The following DLG2 variants were observed in gnomAD, a reference collection of about 807,000 sequenced individuals.
DLG2 encodes discs large MAGUK scaffold protein 2.
A neutral mutation model predicts 132.5 loss-of-function variants in DLG2; 45 were observed. The observed-to-expected ratio is 0.34, with a 90% CI of 0.27 to 0.44. DLG2 has a LOEUF of 0.44. DLG2 is among the 20% of genes least tolerant of loss of function. The probability of loss-of-function intolerance (pLI) is 1.00; values close to 1 mark genes in which losing one functional copy is unlikely to be tolerated. For synonymous variants in DLG2, 424 were observed against 419.6 expected (o/e 1.01, Z -0.13); for missense variants, 1,045 against 1,196.9 (o/e 0.87, Z 1.87).
chr11:84,210,354 G>C (rs1473617721), intron 8 of DLG2, among the ~76,000 whole-genome samples: 2 of 143,308 alleles, frequency 1.4e-5, no homozygotes, highest in Admixed American at 1.5e-4. Context: ...CATGGACACA[G>C]GAAGGGGAAT....
At chr11:83,928,360 T>A (rs1017045822) in intron 15 of DLG2, among the ~76,000 whole-genome samples, 1 of 152,078 alleles carries the variant, frequency 6.6e-6, no homozygotes. Flanking sequence ...AAGAATCATA[T>A]CTGGCAGGTG....
chr11:84,643,278 G>C (rs1455986554), intron 6 of DLG2, among the ~76,000 whole-genome samples: 2 of 152,166 alleles, frequency 1.3e-5, no homozygotes, highest in East Asian at 3.9e-4. Flanking sequence ...ATTTGATGAA[G>C]ATGTAACTTT....
chr11:83,982,583 CAA>C (rs2092893154), intron 11 of DLG2, among the ~76,000 whole-genome samples: 1 of 150,218 alleles, frequency 6.7e-6, no homozygotes, highest in Non-Finnish European at 1.5e-5. Flanking sequence ...AGTGTTATTA[CAA>C]AAGAGTCAAA....
intron 6 of DLG2, among the ~76,000 whole-genome samples, chr11:85,027,905 G>A (rs547597560): frequency 7.9e-5 from 12 of 152,270 alleles, no homozygotes; most frequent in Admixed American, 6.5e-4. Flanking sequence ...GGGGGAGGGG[G>A]GTGTTTCAGC....
chr11:85,144,310 A>G (rs965565218), intron 5 of DLG2, among the ~76,000 whole-genome samples: 2 of 146,632 alleles, frequency 1.4e-5, no homozygotes, highest in African/African-American at 2.5e-5. Flanking sequence ...ATTTCACTCT[A>G]TAGGTGAAGT....
intron 10 of DLG2, among the ~76,000 whole-genome samples, chr11:84,081,473 A>C (rs953502862): frequency 2.6e-5 from 4 of 152,050 alleles, no homozygotes; most frequent in Non-Finnish European, 4.4e-5. Context: ...TACTGGAGCC[A>C]GTTAATTTCA....
chr11:84,010,625 A>G (rs1041003743), intron 11 of DLG2, among the ~76,000 whole-genome samples: 6 of 152,082 alleles, frequency 3.9e-5, no homozygotes, highest in Non-Finnish European at 8.8e-5. Flanking sequence ...TAATAAAACC[A>G]AAAGTTGATA....
chr11:84,588,649 C>T (rs1406504712), intron 6 of DLG2, among the ~76,000 whole-genome samples: 2 of 151,944 alleles, frequency 1.3e-5, no homozygotes, highest in Non-Finnish European at 2.9e-5. Context: ...TTAAAGCATT[C>T]TAAGTCACAG....
chr11:83,606,912 G>A (rs1325751234), intron 19 of DLG2, among the ~76,000 whole-genome samples: 1 of 152,074 alleles, frequency 6.6e-6, no homozygotes, highest in South Asian at 2.1e-4. Context: ...GGGCGACAGA[G>A]AGAGACTCCG....
chr11:85,355,228 G>T (rs1187245666), intron 3 of DLG2, among the ~76,000 whole-genome samples: 3 of 151,636 alleles, frequency 2.0e-5, no homozygotes, highest in East Asian at 3.8e-4. Flanking sequence ...TATGTGCAAG[G>T]TATTTTTCTA....
intron 7 of DLG2, among the ~76,000 whole-genome samples, chr11:84,383,420 T>A (rs1434843853): frequency 6.6e-6 from 1 of 152,118 alleles, no homozygotes; most frequent in African/African-American, 2.4e-5. Flanking sequence ...AATAATATAA[T>A]ATAGCAAAGG....
intron 3 of DLG2, among the ~76,000 whole-genome samples, chr11:85,559,592 C>A (rs1565684898): frequency 6.6e-6 from 1 of 151,130 alleles, no homozygotes; most frequent in African/African-American, 2.4e-5. Context: ...TAATATCTAA[C>A]AGAAGACTTT....
intron 18 of DLG2, among the ~76,000 whole-genome samples, chr11:83,727,460 C>G (rs1223987008): frequency 1.3e-5 from 2 of 152,216 alleles, no homozygotes; most frequent in Non-Finnish European, 2.9e-5. Flanking sequence ...GATTCAGGTG[C>G]AACAGGTGCC....
chr11:84,817,468 C>T (rs1298252843), intron 6 of DLG2, among the ~76,000 whole-genome samples: 4 of 151,886 alleles, frequency 2.6e-5, no homozygotes, highest in South Asian at 2.1e-4. Context: ...TGAAAGAAAA[C>T]AAGTGATACA....
At chr11:83,724,504 A>T (rs1340795567) in intron 18 of DLG2, among the ~76,000 whole-genome samples, 201 of 133,512 alleles carry the variant, frequency 1.5e-3, no homozygotes, top group South Asian at 2.2e-3. Flanking sequence ...AGAGAGAGAG[A>T]GAGAGAGAGA....
At chr11:84,655,282 C>A (rs1429426216) in intron 6 of DLG2, among the ~76,000 whole-genome samples, 2 of 152,106 alleles carry the variant, frequency 1.3e-5, no homozygotes, top group African/African-American at 4.8e-5. Flanking sequence ...GACCTATAAT[C>A]CAGCTACTCA....
intron 7 of DLG2, among the ~76,000 whole-genome samples, chr11:84,514,582 T>C (rs1358546558): frequency 6.6e-6 from 1 of 151,960 alleles, no homozygotes; most frequent in Non-Finnish European, 1.5e-5. Flanking sequence ...CTCACTTATT[T>C]TGGGATCTAA....
At chr11:84,257,631 G>A (rs980046376) in intron 7 of DLG2, among the ~76,000 whole-genome samples, 3 of 146,962 alleles carry the variant, frequency 2.0e-5, no homozygotes, top group African/African-American at 7.5e-5. Context: ...CCAGAGCCAT[G>A]TTCTACTGCC....
intron 6 of DLG2, chr11:85,021,179 C>A: frequency 4.0e-6 from 4 of 988,120 alleles, no homozygotes; most frequent in South Asian, 3.8e-5. Flanking sequence ...TTGAAGCCAG[C>A]TTTTTCCCTT....
Sources: gnomAD v4.1 joint callset for allele counts (sites outside exome capture counted in the v4.1 genomes callset) on GRCh38, gnomAD v4.1.1 for gene constraint, MANE v1.5 for transcripts, NCBI Gene and HGNC (gene_info 2026-07-23, HGNC 2026-07-21) for gene names.